The following BCAS3 variants were observed in gnomAD, a reference collection of about 807,000 sequenced individuals.
The protein encoded by BCAS3 is BCAS3 microtubule associated cell migration factor.
A neutral mutation model predicts 116.1 loss-of-function variants in BCAS3; 53 were observed. The observed-to-expected ratio is 0.46, with a 90% CI of 0.37 to 0.57. The LOEUF (loss-of-function observed/expected upper bound fraction) is 0.57. BCAS3 is among the 20% of genes least tolerant of loss of function. The pLI, the probability that BCAS3 is intolerant of heterozygous loss-of-function variation, is 0.00. For missense variants in BCAS3, 917 were observed against 1,165.4 expected, an observed-to-expected ratio of 0.79 and a Z score of 3.10; for synonymous variants, 391 against 408.2, an observed-to-expected ratio of 0.96 and a Z score of 0.51.
At chr17:61,386,202 C>G (rs919565095) in intron 23 of BCAS3, among the ~76,000 whole-genome samples, 2 of 152,214 alleles carry the variant, frequency 1.3e-5, no homozygotes, top group Non-Finnish European at 2.9e-5. Flanking sequence ...AGTAACTTTC[C>G]CAAAGTCTCC....
intron 19 of BCAS3, among the ~76,000 whole-genome samples, chr17:61,072,676 CAAAAA>C (rs75914013): frequency 2.0e-5 from 2 of 102,358 alleles, no homozygotes; most frequent in South Asian, 3.2e-4. Context: ...GCTTTATTAC[CAAAAA>C]AAAAAAAAAA....
chr17:61,323,860 T>C lies in BCAS3; in HGVS notation c.2426-44467T>C, dbSNP rs1193468142. Among the ~76,000 whole-genome samples the C allele has an allele frequency of 2.0e-5, 3 of 152,256 alleles. No individual in the cohort carries two copies. Among genetic ancestry groups the C allele is most frequent in the Non-Finnish European group, 2.9e-5 (2 of 68,044 alleles). On this transcript the variant is annotated intron_variant, in intron 22 of 23. Transcript: ENST00000407086. The surrounding 1 kb of genome is among the most constrained non-coding windows in gnomAD (Gnocchi z 4.6). ...TATCCATGGCCCCCTGGCCCCTGTG[T>C]GGGTTCCTTGGCTCCGTGTTTCTCG...
Position 61,122,915 on chromosome 17 carries a change from G to A in BCAS3, c.2425+38351G>A, listed in dbSNP as rs1601418427. Among the ~76,000 whole-genome samples the A allele has an allele frequency of 6.6e-6, 1 of 151,458 alleles. No individual in the cohort carries two copies. The highest frequency in any genetic ancestry group is 2.1e-4 in the South Asian group (1 of 4,774). ...AAACTTGACCCAAGAGATAAAGACTGTGAAAGATTCCACATTATGGGTAAG... is the reference window on the plus strand; with the variant it reads ...AAACTTGACCCAAGAGATAAAGACTATGAAAGATTCCACATTATGGGTAAG... On this transcript the variant is annotated intron_variant, in intron 22 of 23. Transcript: ENST00000407086. The surrounding 1 kb of genome is among the most constrained non-coding windows in gnomAD (Gnocchi z 4.6).
intron 18 of BCAS3, among the ~76,000 whole-genome samples, chr17:61,039,540 A>T (rs1450533950): frequency 6.6e-6 from 1 of 151,692 alleles, no homozygotes; most frequent in African/African-American, 2.4e-5. Context: ...CTCCTACCTC[A>T]GCCTCCTGAG....
At chr17:61,117,335 G>A (rs943038469) in intron 22 of BCAS3, among the ~76,000 whole-genome samples, 4 of 152,142 alleles carry the variant, frequency 2.6e-5, no homozygotes, top group Non-Finnish European at 4.4e-5. Flanking sequence ...GCTCACACTT[G>A]TAATCCAAGC....
At position 60,961,875 on chromosome 17, in the gene BCAS3, T is replaced by G. The variant is rs1315648921; in HGVS notation, c.1221+14523T>G. 2.6e-5 allele frequency among the ~76,000 whole-genome samples: 4 copies of G among 152,060 alleles called. No homozygotes were observed. The East Asian group carries it at 7.7e-4, about 29-fold the overall frequency. On this transcript the variant is annotated intron_variant, in intron 14 of 23. Coordinates refer to ENST00000407086, the MANE Select transcript of BCAS3 (RefSeq NM_017679.5). This position sits in a 1 kb window ranked among gnomAD's most constrained non-coding sequence, Gnocchi z 4.8. Reference sequence around the variant, plus strand: ...CAGTGTGAAAACCCACTCATCATGCTTATGAACTACAAAAGGATCAAAGAT... The same window carrying G: ...CAGTGTGAAAACCCACTCATCATGCGTATGAACTACAAAAGGATCAAAGAT...
In BCAS3 at chr17:61,363,842, G is replaced by A. The variant is rs562690196; in HGVS notation, c.2426-4485G>A. ...CCAGCTCATCTGATGGAGTGTCCCT[G>A]GGCTGGTCAGATGAATGATAGCTGT... On this transcript the variant is annotated intron_variant, in intron 22 of 23. Transcript: ENST00000407086. The surrounding 1 kb of genome is among the most constrained non-coding windows in gnomAD (Gnocchi z 4.9). 2.0e-5 allele frequency among the ~76,000 whole-genome samples: 3 copies of A among 152,264 alleles called. No homozygotes were observed. The highest frequency in any genetic ancestry group is 7.2e-5 in the African/African-American group (3 of 41,570).
chr17:60,768,227 G>C (rs8082693), intron 6 of BCAS3, among the ~76,000 whole-genome samples: 6,757 of 152,266 alleles, frequency 0.044, 480 homozygotes, highest in African/African-American at 0.15. Flanking sequence ...TTAATACTGA[G>C]TGTCAACTTG....
At chr17:60,953,899 A>T (rs534233178) in intron 14 of BCAS3, among the ~76,000 whole-genome samples, 1 of 152,024 alleles carries the variant, frequency 6.6e-6, no homozygotes, top group African/African-American at 2.4e-5. Flanking sequence ...ACATCCAGCT[A>T]ATTTTTGTAT....
At chr17:61,146,647 C>T (rs1396823305) in intron 22 of BCAS3, among the ~76,000 whole-genome samples, 1 of 152,062 alleles carries the variant, frequency 6.6e-6, no homozygotes, top group Non-Finnish European at 1.5e-5. Context: ...GATTTGAATT[C>T]TAGGCTTTGC....
chr17:60,876,478 CCTT>C, intron 9 of BCAS3, among the ~76,000 whole-genome samples: 1 of 152,122 alleles, frequency 6.6e-6, no homozygotes, highest in Non-Finnish European at 1.5e-5. Flanking sequence ...AGAAACTTCT[CCTT>C]CTAAATCCCT....
chr17:61,238,841 G>C (rs2083267838), intron 22 of BCAS3, among the ~76,000 whole-genome samples: 1 of 152,056 alleles, frequency 6.6e-6, no homozygotes. Flanking sequence ...GGGTCAGTCA[G>C]ACATAAGCAC....
intron 7 of BCAS3, among the ~76,000 whole-genome samples, chr17:60,832,911 A>T (rs1279477918): frequency 6.6e-6 from 1 of 152,242 alleles, no homozygotes; most frequent in Non-Finnish European, 1.5e-5. Flanking sequence ...TTGGCCATGT[A>T]TGCATTTTTG....
chr17:61,045,856 TA>T (rs2068023478), intron 19 of BCAS3, among the ~76,000 whole-genome samples: 2 of 1,034 alleles, frequency 1.9e-3, no homozygotes, highest in East Asian at 0.032. Flanking sequence ...TCTCTATATA[TA>T]TATATATAAA....
rs918987286 is a variant in BCAS3 at position 61,221,633 on chromosome 17, T to G, written c.2425+137069T>G. ...CTTTCTTAGAGCTGGGCTTCTCTCCTAAAGCTGCTGTTGCTGTGTGCTCTT... is the reference window on the plus strand; with the variant it reads ...CTTTCTTAGAGCTGGGCTTCTCTCCGAAAGCTGCTGTTGCTGTGTGCTCTT... On this transcript the variant is annotated intron_variant, in intron 22 of 23. Transcript: ENST00000407086. Among the ~76,000 whole-genome samples the G allele has an allele frequency of 2.6e-5, 4 of 152,156 alleles. No individual in the cohort carries two copies. In the South Asian group the frequency reaches 6.2e-4, roughly 24 times the overall value.
rs926102368 is a variant in BCAS3 at position 60,967,879 on chromosome 17, G to T, written c.1221+20527G>T. On this transcript the variant is annotated intron_variant, in intron 14 of 23. Coordinates refer to ENST00000407086, the MANE Select transcript of BCAS3 (RefSeq NM_017679.5). The surrounding 1 kb of genome is among the most constrained non-coding windows in gnomAD (Gnocchi z 4.7). ...CAGCAAATATGTTTCTCAGTTCCAA[G>T]ATTTCTATATTTTTTCCCAATCTCT... 6.6e-6 allele frequency among the ~76,000 whole-genome samples: 1 copy of T among 152,026 alleles called. No individual in the cohort carries two copies. The highest frequency in any genetic ancestry group is 1.5e-5 in the Non-Finnish European group (1 of 68,020).
rs1006577247 is a variant in BCAS3, at chr17:61,390,286, T to A, written c.2594-1691T>A. On this transcript the variant is annotated intron_variant, in intron 23 of 23. Transcript: ENST00000407086. This position sits in a 1 kb window ranked among gnomAD's most constrained non-coding sequence, Gnocchi z 6.8. Reference sequence around the variant, plus strand: ...TGGCTTTACCACCCTCTCCATCTCATGGCACGATGGCCTGTCCCCCCAGAT... The same window carrying A: ...TGGCTTTACCACCCTCTCCATCTCAAGGCACGATGGCCTGTCCCCCCAGAT... The A allele has an allele frequency of 6.6e-6, 1 of 152,270 alleles. No homozygotes were observed. Among genetic ancestry groups the A allele is most frequent in the Non-Finnish European group, 1.5e-5 (1 of 68,102 alleles). The allele number at this position is 152,270 out of a possible 1,614,324, so 9.4% of individuals were successfully genotyped here.
chr17:60,743,510 T>TAA (rs80002683), intron 5 of BCAS3, among the ~76,000 whole-genome samples: 5 of 140,256 alleles, frequency 3.6e-5, no homozygotes, highest in African/African-American at 1.0e-4. Flanking sequence ...TAAAGTTTGC[T>TAA]AAAAAAAAAA....
At chr17:61,152,112 A>G (rs1209449312) in intron 22 of BCAS3, among the ~76,000 whole-genome samples, 1 of 152,186 alleles carries the variant, frequency 6.6e-6, no homozygotes. Flanking sequence ...TAAAGATGGC[A>G]CGGACCCAAA....
Sources: allele counts gnomAD v4.1 joint callset (sites outside exome capture counted in the v4.1 genomes callset), GRCh38; gene constraint gnomAD v4.1.1; non-coding constraint Gnocchi (gnomAD v3.1); transcripts MANE v1.5; gene names NCBI Gene and HGNC (gene_info 2026-07-23, HGNC 2026-07-21).